TTC39B: variants seen among roughly 807,000 people sequenced by gnomAD.
The protein encoded by TTC39B is tetratricopeptide repeat domain 39B.
TTC39B carries 92 observed loss-of-function variants against 96.6 expected under a neutral mutation model. The observed-to-expected ratio is 0.95, with a 90% confidence interval of 0.80 to 1.13. TTC39B has a LOEUF of 1.13. Ranked by LOEUF, TTC39B falls within the 50% of genes most tolerant of loss-of-function variation. The pLI, the probability that TTC39B is intolerant of heterozygous loss-of-function variation, is 0.00. For missense variants in TTC39B, 955 were observed against 809.3 expected, an observed-to-expected ratio of 1.18 and a Z score of -2.18; for synonymous variants, 367 against 299.4, an observed-to-expected ratio of 1.23 and a Z score of -2.33.
At chr9:15,251,156 ACTGCACT>A (rs1280705704) in intron 2 of TTC39B, among the ~76,000 whole-genome samples, 1 of 151,920 alleles carries the variant, frequency 6.6e-6, no homozygotes, top group Non-Finnish European at 1.5e-5. Flanking sequence ...AGATTGCGCC[ACTGCACT>A]CTGCCCTGGA....
At chr9:15,170,366 G>C (rs550167345) in exon 20 of TTC39B, 1 of 152,094 alleles carries the variant, frequency 6.6e-6, no homozygotes, top group African/African-American at 2.4e-5. Context: ...TAAGGTATTT[G>C]AATTTCTACA....
chr9:15,282,707 G>A (rs568105296), intron 1 of TTC39B, among the ~76,000 whole-genome samples: 5 of 152,168 alleles, frequency 3.3e-5, no homozygotes, highest in South Asian at 2.1e-4. Context: ...AAAAACCCTC[G>A]GTAGTGGCTT....
chr9:15,255,890 A>T (rs894631163), intron 2 of TTC39B, among the ~76,000 whole-genome samples: 1 of 152,172 alleles, frequency 6.6e-6, no homozygotes, highest in Admixed American at 6.5e-5. Context: ...TAATCACAGC[A>T]ATTATCACTG....
chr9:15,220,041 T>G (rs531684258), intron 3 of TTC39B, among the ~76,000 whole-genome samples: 5 of 152,306 alleles, frequency 3.3e-5, no homozygotes, highest in African/African-American at 1.2e-4. Flanking sequence ...ATATTTCAAC[T>G]TAGGCCAAAA....
chr9:15,300,883 C>G (rs1347774813), intron 1 of TTC39B, among the ~76,000 whole-genome samples: 3 of 100,774 alleles, frequency 3.0e-5, no homozygotes, highest in South Asian at 7.1e-4. Context: ...AAGAGTAAAA[C>G]TCCGTCTCAA....
chr9:15,252,542 G>C (rs1377915924), intron 2 of TTC39B, among the ~76,000 whole-genome samples: 1 of 152,136 alleles, frequency 6.6e-6, no homozygotes, highest in African/African-American at 2.4e-5. Flanking sequence ...CAGCTACTTG[G>C]GAGGCTGAGG....
Position 15,252,192 on chromosome 9 carries a change from A to T in TTC39B, c.275+15722T>A, listed in dbSNP as rs993945436. Among the ~76,000 whole-genome samples the T allele has an allele frequency of 5.3e-5, 8 of 152,338 alleles. No homozygotes were observed. The South Asian group carries it at 1.7e-3, about 32-fold the overall frequency. The stretch of plus-strand genomic sequence containing the variant: ...ATTTCACACCTTCATTTTTCCATCA[A>T]TATAAATATCTCTCATCTAATTTTT... On this transcript the variant is annotated intron_variant, in intron 2 of 19. Transcript: ENST00000512701.
In TTC39B at chr9:15,195,470, A is replaced by G. The variant is rs553294469; in HGVS notation, c.825-2775T>C. ...CGGATCATGAGGTCAGGAGTTTGAG[A>G]CCAGCCTGGCCAAGCATGGTGAAAC... On this transcript the variant is annotated intron_variant, in intron 8 of 19. Coordinates refer to ENST00000512701, the Ensembl canonical transcript of TTC39B. Among the ~76,000 whole-genome samples the G allele has an allele frequency of 3.3e-5, 5 of 152,106 alleles. No individual in the cohort carries two copies. In the South Asian group the frequency reaches 6.2e-4, roughly 19 times the overall value.
intron 8 of TTC39B, among the ~76,000 whole-genome samples, chr9:15,196,700 G>A (rs913375357): frequency 1.3e-5 from 2 of 152,212 alleles, no homozygotes; most frequent in African/African-American, 4.8e-5. Flanking sequence ...TTGTTGAAAT[G>A]ACAACAAAGG....
At chr9:15,197,184 G>A (rs1370958784) in intron 8 of TTC39B, among the ~76,000 whole-genome samples, 1 of 152,140 alleles carries the variant, frequency 6.6e-6, no homozygotes, top group Non-Finnish European at 1.5e-5. Flanking sequence ...TCACTTTATT[G>A]TAGTGGCCTG....
chr9:15,231,192 T>C (rs1165604439), intron 2 of TTC39B, among the ~76,000 whole-genome samples: 1 of 152,182 alleles, frequency 6.6e-6, no homozygotes, highest in Non-Finnish European at 1.5e-5. Context: ...TTTTTATTTT[T>C]TGTAGAAATG....
At chr9:15,208,578 A>G (rs1360070609) in intron 6 of TTC39B, among the ~76,000 whole-genome samples, 2 of 152,334 alleles carry the variant, frequency 1.3e-5, no homozygotes, top group South Asian at 4.1e-4. Context: ...ACTAATTTAC[A>G]TAAGCAGCTC....
chr9:15,195,877 G>A (rs894864247), intron 8 of TTC39B, among the ~76,000 whole-genome samples: 3 of 152,220 alleles, frequency 2.0e-5, no homozygotes, highest in South Asian at 2.1e-4. Flanking sequence ...GTCAACGCCT[G>A]GCTTCAAAAC....
chr9:15,194,586 T>C (rs1819046236), intron 8 of TTC39B, among the ~76,000 whole-genome samples: 1 of 152,212 alleles, frequency 6.6e-6, no homozygotes, highest in Non-Finnish European at 1.5e-5. Flanking sequence ...TTTTTACAAA[T>C]TGAAGATTTG....
At position 15,267,538 on chromosome 9, in the gene TTC39B, G is replaced by T. The variant is rs147310915; in HGVS notation, c.275+376C>A. On this transcript the variant is annotated intron_variant, in intron 2 of 19. Transcript: ENST00000512701. ...TGATCTAATATGATTTAGCAATTTA[G>T]AATTATTACAAAAACTATATAGGCT... Among the ~76,000 whole-genome samples, 567 of 152,172 alleles carry T rather than the reference G, an allele frequency of 3.7e-3. 2 individuals carry two copies. Among genetic ancestry groups the T allele is most frequent in the African/African-American group, 0.013 (543 of 41,520 alleles).
intron 10 of TTC39B, among the ~76,000 whole-genome samples, 178 bp from the exon 11 acceptor site, chr9:15,190,840 AG>A (rs1224689101): frequency 1.3e-5 from 2 of 152,158 alleles, no homozygotes; most frequent in African/African-American, 4.8e-5. Context: ...CATACTCAAC[AG>A]GTAGTTTTTC....
At chr9:15,295,621 T>C (rs1427290414) in intron 1 of TTC39B, among the ~76,000 whole-genome samples, 2 of 152,242 alleles carry the variant, frequency 1.3e-5, no homozygotes, top group Non-Finnish European at 2.9e-5. Flanking sequence ...AATGAACCAG[T>C]AGCAGCAAGA....
intron 2 of TTC39B, among the ~76,000 whole-genome samples, chr9:15,233,566 C>A (rs1053123527): frequency 1.3e-5 from 2 of 151,266 alleles, no homozygotes; most frequent in African/African-American, 2.4e-5. Flanking sequence ...CTGTGTTGGC[C>A]GGGCTGGTCT....
intron 7 of TTC39B, among the ~76,000 whole-genome samples, chr9:15,202,402 G>C (rs960786817): frequency 5.3e-5 from 8 of 152,106 alleles, no homozygotes; most frequent in African/African-American, 1.2e-4. Context: ...AAAGAAAGAA[G>C]CAACTGTCAA....
Sources: allele counts gnomAD v4.1 joint callset (sites outside exome capture counted in the v4.1 genomes callset), GRCh38; gene constraint gnomAD v4.1.1; transcripts MANE v1.5; gene names NCBI Gene and HGNC (gene_info 2026-07-23, HGNC 2026-07-21).